Variants in GRM7 observed in about 807,000 individuals in gnomAD.
GRM7 encodes the protein glutamate metabotropic receptor 7.
In GRM7, 35 loss-of-function variants were observed where a neutral mutation model predicts 84.5. That is an observed-to-expected ratio of 0.41 (90% confidence interval 0.32 to 0.55). The LOEUF (loss-of-function observed/expected upper bound fraction) is 0.55, where lower values mean the gene tolerates loss of function less well. Ranked by LOEUF, GRM7 falls within the 20% of genes least tolerant of loss-of-function variation. The probability of loss-of-function intolerance (pLI) is 0.19; values close to 1 mark genes in which losing one functional copy is unlikely to be tolerated. For missense variants in GRM7, 1,003 were observed against 1,194.6 expected (o/e 0.84, Z 2.36); for synonymous variants, 487 against 455.1 (o/e 1.07, Z -0.89).
At chr3:7,264,667 C>G (rs9883042) in intron 2 of GRM7, among the ~76,000 whole-genome samples, 152,318 of 152,318 alleles carry the variant, frequency 1, 76,159 homozygotes, top group Non-Finnish European at 1. Context: ...ATATGTCCCA[C>G]TCCCTTGGTG....
chr3:7,657,583 T>A (rs961356777), intron 8 of GRM7, among the ~76,000 whole-genome samples: 1 of 152,122 alleles, frequency 6.6e-6, no homozygotes, highest in African/African-American at 2.4e-5. Context: ...TTTTTTCCAG[T>A]AGGAATTTAT....
chr3:7,147,952 A>G (rs776092607), intron 2 of GRM7, among the ~76,000 whole-genome samples: 1 of 152,106 alleles, frequency 6.6e-6, no homozygotes, highest in Non-Finnish European at 1.5e-5. Flanking sequence ...ACAGGTTAGT[A>G]TAATTTCCTA....
At chr3:7,425,341 T>C (rs768768894) in intron 5 of GRM7, among the ~76,000 whole-genome samples, 8 of 152,202 alleles carry the variant, frequency 5.3e-5, no homozygotes, top group Non-Finnish European at 1.0e-4. Context: ...TAGCAGTCTG[T>C]ACAAAGAGAA....
intron 1 of GRM7, among the ~76,000 whole-genome samples, chr3:6,886,471 G>C (rs1164161544): frequency 6.6e-6 from 1 of 152,114 alleles, no homozygotes; most frequent in Non-Finnish European, 1.5e-5. Flanking sequence ...TTGTGCACAT[G>C]TACCTTAGAA....
intron 7 of GRM7, among the ~76,000 whole-genome samples, chr3:7,491,643 T>C (rs1190617675): frequency 6.6e-6 from 1 of 152,184 alleles, no homozygotes. Context: ...CCAGATGATA[T>C]GTTAGCTTGT....
chr3:7,258,211 T>C (rs1251084812), intron 2 of GRM7, among the ~76,000 whole-genome samples: 1 of 152,204 alleles, frequency 6.6e-6, no homozygotes, highest in Non-Finnish European at 1.5e-5. Context: ...TCCTTCAGTG[T>C]TCTACCACTG....
rs554122377 is a variant in GRM7 at position 7,114,417 on chromosome 3, T to C, written c.520-32035T>C. On this transcript the variant is annotated intron_variant, in intron 1 of 9. Coordinates refer to ENST00000357716, the MANE Select transcript of GRM7 (RefSeq NM_000844.4). ...CTATTCTCCAATTATTTAACTCTGG[T>C]TTATACATTCACATCTGGTGACCCC... Among the ~76,000 whole-genome samples the C allele has an allele frequency of 4.6e-5, 7 of 152,316 alleles. No homozygotes were observed. The East Asian group carries it at 1.4e-3, about 29-fold the overall frequency.
At chr3:7,477,484 C>G (rs1698968940) in intron 7 of GRM7, among the ~76,000 whole-genome samples, 1 of 152,036 alleles carries the variant, frequency 6.6e-6, no homozygotes, top group South Asian at 2.1e-4. Context: ...AATTACTACC[C>G]AAGATAATTA....
chr3:7,603,035 C>T (rs1696396322), intron 8 of GRM7, among the ~76,000 whole-genome samples: 1 of 152,150 alleles, frequency 6.6e-6, no homozygotes, highest in African/African-American at 2.4e-5. Flanking sequence ...AAGAAAATCA[C>T]AGGCCTCTGA....
intron 1 of GRM7, among the ~76,000 whole-genome samples, chr3:7,087,996 C>T (rs1469378977): frequency 1.3e-5 from 2 of 152,194 alleles, no homozygotes; most frequent in African/African-American, 2.4e-5. Flanking sequence ...CTGCTTATAA[C>T]TGTGAATCAC....
At chr3:7,479,928 C>A (rs1055836927) in intron 7 of GRM7, among the ~76,000 whole-genome samples, 1 of 152,204 alleles carries the variant, frequency 6.6e-6, no homozygotes, top group East Asian at 1.9e-4. Context: ...TTTTACCTTG[C>A]TACTGTGGCA....
chr3:7,405,564 A>C (rs1695638866), intron 4 of GRM7, among the ~76,000 whole-genome samples: 2 of 152,300 alleles, frequency 1.3e-5, no homozygotes, highest in South Asian at 4.1e-4. Flanking sequence ...TACTTCGGAT[A>C]GTTATAAATA....
intron 1 of GRM7, among the ~76,000 whole-genome samples, chr3:7,112,103 T>C (rs962889260): frequency 6.6e-6 from 1 of 152,168 alleles, no homozygotes; most frequent in Non-Finnish European, 1.5e-5. Flanking sequence ...AGATCACCTC[T>C]CAAAGAAAGC....
chr3:7,088,395 T>C (rs543612191), intron 1 of GRM7, among the ~76,000 whole-genome samples: 2 of 152,242 alleles, frequency 1.3e-5, no homozygotes, highest in African/African-American at 4.8e-5. Flanking sequence ...GAATCTAAAA[T>C]AGTTTATGAA....
At chr3:7,184,604 G>A (rs1044334939) in intron 2 of GRM7, among the ~76,000 whole-genome samples, 2 of 151,936 alleles carry the variant, frequency 1.3e-5, no homozygotes, top group Non-Finnish European at 2.9e-5. Context: ...CTCTCTCCAT[G>A]AATGTGTCAT....
At chr3:7,654,010 T>C (rs2125116975) in intron 8 of GRM7, among the ~76,000 whole-genome samples, 1 of 152,274 alleles carries the variant, frequency 6.6e-6, no homozygotes, top group South Asian at 2.1e-4. Context: ...TTTTGCCTTC[T>C]CTCATTTTTT....
chr3:7,372,955 T>C (rs1172422496), intron 4 of GRM7, among the ~76,000 whole-genome samples: 1 of 152,156 alleles, frequency 6.6e-6, no homozygotes, highest in African/African-American at 2.4e-5. Context: ...AAACCTCATG[T>C]AATATACCAC....
chr3:7,183,770 T>A (rs1040056805), intron 2 of GRM7, among the ~76,000 whole-genome samples: 7 of 152,184 alleles, frequency 4.6e-5, no homozygotes, highest in African/African-American at 1.7e-4. Context: ...CTGTTGGAGC[T>A]ATTAACAAAG....
At chr3:7,178,743 C>A (rs933292812) in intron 2 of GRM7, among the ~76,000 whole-genome samples, 14 of 151,518 alleles carry the variant, frequency 9.2e-5, no homozygotes, top group African/African-American at 3.4e-4. Context: ...AGTGATAAAC[C>A]AGATAAGTAT....
Sources: allele counts gnomAD v4.1 joint callset (sites outside exome capture counted in the v4.1 genomes callset), GRCh38; gene constraint gnomAD v4.1.1; transcripts MANE v1.5; gene names NCBI Gene and HGNC (gene_info 2026-07-23, HGNC 2026-07-21).